The following CFAP36 variants were observed in gnomAD, a reference collection of about 807,000 sequenced individuals.
CFAP36 encodes the protein cilia and flagella associated protein 36.
Under a neutral mutation model 50.5 loss-of-function variants are expected in CFAP36, and 37 were observed. The observed-to-expected ratio is 0.73, with a 90% CI of 0.56 to 0.96. CFAP36 has a LOEUF of 0.96. CFAP36 is among the 50% of genes least tolerant of loss of function. The pLI is 0.00. For missense variants in CFAP36, 407 were observed against 396.2 expected, an observed-to-expected ratio of 1.03 and a Z score of -0.23; for synonymous variants, 138 against 128.2, an observed-to-expected ratio of 1.08 and a Z score of -0.52.
chr2:55,529,876 G>C (rs1473377565), intron 4 of CFAP36, among the ~76,000 whole-genome samples: 1 of 152,030 alleles, frequency 6.6e-6, no homozygotes, highest in African/African-American at 2.4e-5. Context: ...TCGATCTCCT[G>C]ACCTCGTGAT....
At chr2:55,529,890 C>T (rs1291691699) in intron 4 of CFAP36, among the ~76,000 whole-genome samples, 1 of 152,070 alleles carries the variant, frequency 6.6e-6, no homozygotes, top group Non-Finnish European at 1.5e-5. Context: ...TCGTGATCCG[C>T]CCGCCTTGGC....
intron 1 of CFAP36, among the ~76,000 whole-genome samples, chr2:55,521,595 ATGTGTGTGTGTGTG>A (rs60921606): frequency 8.8e-4 from 128 of 146,218 alleles, no homozygotes; most frequent in Middle Eastern, 7.1e-3. Context: ...AATAGTATAT[ATGTGTGTGTGTGTG>A]TGTGTGTGTG....
Position 55,543,926 on chromosome 2 carries a change from A to G in CFAP36, c.641-12A>G, listed in dbSNP as rs747999928. ...AATATTCTAATTGCTCTTATTGTCT[A>G]CTTATTGCCAGAAGTTAAAATGCAT... On this transcript the variant is annotated splice_polypyrimidine_tract_variant and intron_variant, in intron 7 of 9. Coordinates refer to ENST00000349456, the MANE Select transcript of CFAP36 (RefSeq NM_080667.7). The G allele has an allele frequency of 3.7e-6, 6 of 1,606,168 alleles. 1 individual carries two copies. The highest frequency in any genetic ancestry group is 3.3e-5 in the South Asian group (3 of 90,284).
intron 7 of CFAP36, among the ~76,000 whole-genome samples, chr2:55,538,007 G>A (rs1684537286): frequency 1.3e-5 from 2 of 152,148 alleles, no homozygotes; most frequent in South Asian, 2.1e-4. Context: ...AAAATAAGAG[G>A]TAGCCATTTT....
rs537150302 is a variant in CFAP36 at position 55,528,477 on chromosome 2, C to G, written c.283-401C>G. On this transcript the variant is annotated intron_variant, in intron 3 of 9. Transcript: ENST00000349456. ...AGGTGCGATCTTGGCTCACTGCAACCTCTGTCTCCTGGTTCAAATGATTCT... is the reference window on the plus strand; with the variant it reads ...AGGTGCGATCTTGGCTCACTGCAACGTCTGTCTCCTGGTTCAAATGATTCT... 6.6e-5 allele frequency among the ~76,000 whole-genome samples: 10 copies of G among 152,116 alleles called. No homozygotes were observed. In the East Asian group the frequency reaches 1.9e-3, roughly 29 times the overall value.
At chr2:55,542,343 T>C (rs373595748) in intron 7 of CFAP36, among the ~76,000 whole-genome samples, 42 of 152,284 alleles carry the variant, frequency 2.8e-4, no homozygotes, top group African/African-American at 9.6e-4. Context: ...CAAATGCGCA[T>C]ATCTGATATT....
Position 55,534,823 on chromosome 2 carries a change from G to GATC in CFAP36, c.485+865_485+867dup, listed in dbSNP as rs1270264896. ...GTCCCACCTCCAAAGCAGAAGAGAGGATCAGAGGATGGGCCTGATGGGAAA... is the reference window on the plus strand; with the variant it reads ...GTCCCACCTCCAAAGCAGAAGAGAGGATCATCAGAGGATGGGCCTGATGGGAAA... On this transcript the variant is annotated intron_variant, in intron 5 of 9. Transcript: ENST00000349456. Among the ~76,000 whole-genome samples the GATC allele has an allele frequency of 3.3e-5, 5 of 152,160 alleles. 1 individual carries two copies. The highest frequency in any genetic ancestry group is 2.6e-4 in the Admixed American group (4 of 15,278).
intron 5 of CFAP36, among the ~76,000 whole-genome samples, chr2:55,534,167 A>C (rs1684422544): frequency 6.6e-6 from 1 of 152,182 alleles, no homozygotes; most frequent in African/African-American, 2.4e-5. Flanking sequence ...GATCAGTCCA[A>C]ATGAAAGGGT....
chr2:55,522,184 C>A lies in CFAP36; in HGVS notation c.180+18C>A. 7.3e-7 allele frequency: 1 copy of A among 1,362,080 alleles called. No homozygotes were observed. The highest frequency in any genetic ancestry group is 1.0e-6 in the Non-Finnish European group (1 of 981,322). The allele number at this position is 1,362,080 out of a possible 1,614,324, so 84.4% of individuals were successfully genotyped here. Reference sequence around the variant, plus strand: ...AAGAACTAGTGAGTATTTTTTTTCACTGATTTTTAAAAGTAATTAGGCTAA... The same window carrying A: ...AAGAACTAGTGAGTATTTTTTTTCAATGATTTTTAAAAGTAATTAGGCTAA... On this transcript the variant is annotated intron_variant, in intron 2 of 9. Transcript: ENST00000349456.
At chr2:55,537,038 C>T (rs1012641706) in intron 6 of CFAP36, among the ~76,000 whole-genome samples, 4 of 152,022 alleles carry the variant, frequency 2.6e-5, no homozygotes, top group Admixed American at 2.0e-4. Flanking sequence ...CCACTGTGCC[C>T]GGCCAAAAGT....
chr2:55,538,718 T>C (rs1574624763), intron 7 of CFAP36: 2 of 1,461,842 alleles, frequency 1.4e-6, no homozygotes, highest in Non-Finnish European at 1.8e-6. Context: ...ACTAGGATTA[T>C]AGGCATGAGC....
chr2:55,525,246 G>A lies in CFAP36; in HGVS notation c.282+1424G>A, dbSNP rs550450765. On this transcript the variant is annotated intron_variant, in intron 3 of 9. Coordinates refer to ENST00000349456, the MANE Select transcript of CFAP36 (RefSeq NM_080667.7). ...ACAGGAGGATTGCTTGAAGCCAGGGGTTCGAAACCAGCCTGGACAACATAG... is the reference window on the plus strand; with the variant it reads ...ACAGGAGGATTGCTTGAAGCCAGGGATTCGAAACCAGCCTGGACAACATAG... 4.1e-4 allele frequency among the ~76,000 whole-genome samples: 63 copies of A among 152,190 alleles called. 1 individual carries two copies. The South Asian group carries it at 0.013, about 31-fold the overall frequency.
intron 7 of CFAP36, among the ~76,000 whole-genome samples, 192 bp downstream of exon 7, chr2:55,537,777 A>G (rs1684531535): frequency 6.6e-6 from 1 of 152,238 alleles, no homozygotes; most frequent in Admixed American, 6.5e-5. Flanking sequence ...AAGAGAGCGT[A>G]TAGTCCTCAA....
chr2:55,540,175 T>G (rs1248908732), intron 7 of CFAP36, among the ~76,000 whole-genome samples: 1 of 152,158 alleles, frequency 6.6e-6, no homozygotes, highest in African/African-American at 2.4e-5. Flanking sequence ...GGGTGTGCCT[T>G]TGGTGTTGTA....
chr2:55,521,094 A>G (rs1043594862), intron 1 of CFAP36, among the ~76,000 whole-genome samples: 2 of 152,200 alleles, frequency 1.3e-5, no homozygotes, highest in Admixed American at 6.5e-5. Flanking sequence ...TCTTTTCATT[A>G]CATTTTCATT....
At chr2:55,523,610 T>C in intron 2 of CFAP36, 111 bp from the exon 3 acceptor site, 1 of 611,468 alleles carries the variant, frequency 1.6e-6, no homozygotes. Flanking sequence ...AATATGTAGA[T>C]TAATATTTGC....
intron 3 of CFAP36, among the ~76,000 whole-genome samples, chr2:55,527,909 C>T (rs573292624): frequency 1.9e-3 from 293 of 152,052 alleles, no homozygotes; most frequent in African/African-American, 6.6e-3. Context: ...GTGGCTCATG[C>T]CTATAATTCC....
At chr2:55,526,391 C>G (rs899676674) in intron 3 of CFAP36, among the ~76,000 whole-genome samples, 3 of 152,208 alleles carry the variant, frequency 2.0e-5, no homozygotes, top group African/African-American at 7.2e-5. Context: ...TTTTGCACAA[C>G]TTTTCATTTG....
chr2:55,523,149 G>A (rs1441624218), intron 2 of CFAP36, among the ~76,000 whole-genome samples: 1 of 149,710 alleles, frequency 6.7e-6, no homozygotes, highest in Non-Finnish European at 1.5e-5. Flanking sequence ...GGTGGCTCAT[G>A]CCTATAATCC....
Sources: gnomAD v4.1 joint callset for allele counts (sites outside exome capture counted in the v4.1 genomes callset) on GRCh38, gnomAD v4.1.1 for gene constraint, MANE v1.5 for transcripts, NCBI Gene and HGNC (gene_info 2026-07-23, HGNC 2026-07-21) for gene names.